TPX2: variants seen among roughly 807,000 people sequenced by gnomAD.
TPX2 encodes targeting protein for Xklp2.
A neutral mutation model predicts 93.6 loss-of-function variants in TPX2; 21 were observed. The ratio of observed to expected loss-of-function variants is 0.22; its 90% confidence interval spans 0.16 to 0.32. The LOEUF (loss-of-function observed/expected upper bound fraction) is 0.32. TPX2 is among the 10% of genes least tolerant of loss of function. The probability of loss-of-function intolerance (pLI) is 1.00; values close to 1 mark genes in which losing one functional copy is unlikely to be tolerated. For synonymous variants in TPX2, 281 were observed against 298.3 expected (o/e 0.94, Z 0.60); for missense variants, 776 against 871.1 (o/e 0.89, Z 1.37).
chr20:31,770,453 C>T lies in TPX2; in HGVS notation c.467C>T (p.Pro156Leu), dbSNP rs1488491666. Residue 156 changes from proline (P) to leucine (L), a missense_variant, in exon 6 of 18, where the codon CCC (proline) becomes CTC (leucine). Physicochemically the swap from Pro to Leu is moderately conservative, Grantham distance 98. This residue lies in a region of TPX2 where 279 missense variants were observed against 261.6 expected (regional missense o/e 1.07). Transcript: ENST00000300403. ...CCTGTAATCATCGATGAAATTCTAC[C>T]CTCTAAGAAAATGAAAGTGTGAGTA... ...ATPVIIDEIL[P>L]SKKMKVSNNK... is the part of the protein sequence containing the mutation. 7.0e-6 allele frequency: 11 copies of T among 1,579,010 alleles called. No individual in the cohort carries two copies. Among genetic ancestry groups the T allele is most frequent in the African/African-American group, 1.4e-5 (1 of 73,276 alleles).
rs1167299204 is a variant in TPX2, at chr20:31,793,453, A to G, written c.1510-395A>G. The stretch of plus-strand genomic sequence containing the variant: ...TGTGTTACCAGCTTGAACCCAAACA[A>G]CTTGGGTTTGGCAATCCTATTCTGG... On this transcript the variant is annotated intron_variant, in intron 13 of 17. Coordinates refer to ENST00000300403, the MANE Select transcript of TPX2 (RefSeq NM_012112.5). 2.6e-5 allele frequency among the ~76,000 whole-genome samples: 4 copies of G among 152,300 alleles called. No individual in the cohort carries two copies. The East Asian group carries it at 7.7e-4, about 29-fold the overall frequency.
chr20:31,740,943 T>C (rs937596451), intron 1 of TPX2, among the ~76,000 whole-genome samples: 2 of 152,250 alleles, frequency 1.3e-5, no homozygotes, highest in African/African-American at 4.8e-5. Context: ...AAAACTGGAT[T>C]GTATTCAACT....
intron 7 of TPX2, among the ~76,000 whole-genome samples, chr20:31,773,741 A>G (rs1447387256): frequency 6.6e-6 from 1 of 152,236 alleles, no homozygotes; most frequent in African/African-American, 2.4e-5. Context: ...GATAATTTAT[A>G]GTTGTATATA....
chr20:31,790,878 A>T (rs952876081), intron 12 of TPX2, among the ~76,000 whole-genome samples: 2 of 152,196 alleles, frequency 1.3e-5, no homozygotes, highest in Non-Finnish European at 2.9e-5. Context: ...ATGGACTGTG[A>T]TAAAACCATA....
chr20:31,755,637 CCTGTAATTCCAGCT>C, intron 2 of TPX2, among the ~76,000 whole-genome samples: 1 of 151,842 alleles, frequency 6.6e-6, no homozygotes, highest in Non-Finnish European at 1.5e-5. Flanking sequence ...GCTGTGGGCG[CCTGTAATTCCAGCT>C]ACTAGAGACT....
intron 2 of TPX2, among the ~76,000 whole-genome samples, chr20:31,754,589 G>C (rs1357317039): frequency 6.6e-6 from 1 of 152,140 alleles, no homozygotes; most frequent in African/African-American, 2.4e-5. Flanking sequence ...AATGTAAGTG[G>C]GTGTTTTTTT....
intron 2 of TPX2, among the ~76,000 whole-genome samples, chr20:31,748,097 C>T (rs1414079319): frequency 3.3e-5 from 5 of 152,094 alleles, no homozygotes. Flanking sequence ...TATTTATTCT[C>T]TTTTTCCAGG....
At chr20:31,745,585 C>G (rs1033554681) in intron 2 of TPX2, among the ~76,000 whole-genome samples, 3 of 152,180 alleles carry the variant, frequency 2.0e-5, no homozygotes, top group African/African-American at 7.2e-5. Flanking sequence ...GCCTTGGCCT[C>G]CCAGAGTGCT....
chr20:31,755,164 G>A (rs985720162), intron 2 of TPX2, among the ~76,000 whole-genome samples: 1 of 152,050 alleles, frequency 6.6e-6, no homozygotes, highest in African/African-American at 2.4e-5. Context: ...TAGCCATGAT[G>A]GTTTTGATCT....
chr20:31,784,554 T>G (rs1250256282), intron 12 of TPX2, among the ~76,000 whole-genome samples: 1 of 152,210 alleles, frequency 6.6e-6, no homozygotes, highest in Non-Finnish European at 1.5e-5. Context: ...GATAGAATTT[T>G]GACTTGCAGA....
chr20:31,770,432 T>G lies in TPX2; in HGVS notation c.446T>G (p.Val149Gly), dbSNP rs1342493126. ...AAAGCCAAGAGATGTGCCACTCCTG[T>G]AATCATCGATGAAATTCTACCCTCT... Reference protein sequence around the residue: ...KMKAKRCATPVIIDEILPSKK... With the variant: ...KMKAKRCATPGIIDEILPSKK... The change falls in exon 6 of 18, where the codon GTA becomes GGA. Residue 149 changes from valine to glycine, a missense_variant. By Grantham distance (109) the Val-to-Gly change is moderately radical. This residue lies in a region of TPX2 where 279 missense variants were observed against 261.6 expected (regional missense o/e 1.07). Coordinates refer to ENST00000300403, the MANE Select transcript of TPX2 (RefSeq NM_012112.5). 1 of 1,602,000 alleles carries G rather than the reference T, an allele frequency of 6.2e-7. No individual in the cohort carries two copies. The highest frequency in any genetic ancestry group is 8.5e-7 in the Non-Finnish European group (1 of 1,174,702).
intron 1 of TPX2, among the ~76,000 whole-genome samples, chr20:31,741,317 G>GTT (rs966215046): frequency 6.4e-5 from 9 of 140,810 alleles, no homozygotes; most frequent in African/African-American, 1.5e-4. Context: ...TTTTGTTTTT[G>GTT]TTTTTTTTTT....
intron 2 of TPX2, among the ~76,000 whole-genome samples, chr20:31,746,581 A>G (rs2061784853): frequency 6.6e-6 from 1 of 152,246 alleles, no homozygotes; most frequent in South Asian, 2.1e-4. Flanking sequence ...TAGGCAAGTC[A>G]TATCTCACTG....
chr20:31,790,541 C>A (rs1234997898), intron 12 of TPX2, among the ~76,000 whole-genome samples: 1 of 152,178 alleles, frequency 6.6e-6, no homozygotes, highest in Non-Finnish European at 1.5e-5. Flanking sequence ...AAAGATTGAG[C>A]AACTGTCTTG....
At chr20:31,800,807 C>T (rs765578538) in intron 17 of TPX2, among the ~76,000 whole-genome samples, 163 bp from the exon 18 acceptor site, 2 of 152,174 alleles carry the variant, frequency 1.3e-5, no homozygotes, top group Non-Finnish European at 2.9e-5. Flanking sequence ...TACACTTTTC[C>T]ATCATACCGT....
At chr20:31,771,308 G>A (rs2061963240) in intron 6 of TPX2, among the ~76,000 whole-genome samples, 1 of 152,132 alleles carries the variant, frequency 6.6e-6, no homozygotes, top group African/African-American at 2.4e-5. Context: ...AGCAGTTAGA[G>A]TCCCTCCTTA....
chr20:31,743,202 C>T (rs550417434), intron 2 of TPX2, among the ~76,000 whole-genome samples: 2 of 152,174 alleles, frequency 1.3e-5, no homozygotes, highest in East Asian at 3.9e-4. Flanking sequence ...AAGACTCTGT[C>T]TCAAAACAAA....
At position 31,760,304 on chromosome 20, in the gene TPX2, A is replaced by G. The variant is rs1600364879; in HGVS notation, c.229+125A>G. 21 of 1,225,912 alleles carry G rather than the reference A, an allele frequency of 1.7e-5. No homozygotes were observed. In the East Asian group the frequency reaches 5.4e-4, roughly 31 times the overall value. The allele number at this position is 1,225,912 out of a possible 1,614,324, so 75.9% of individuals were successfully genotyped here. The stretch of plus-strand genomic sequence containing the variant: ...TGTTTATTATTGGTGAAATGGGCTA[A>G]TTCATTTCATGATAAATGTAAAACT... On this transcript the variant is annotated intron_variant, in intron 4 of 17. Transcript: ENST00000300403.
Position 31,777,547 on chromosome 20 carries a change from C to G in TPX2, c.791C>G (p.Thr264Arg), listed in dbSNP as rs748023101. The G allele has an allele frequency of 1.2e-6, 2 of 1,614,180 alleles. No individual in the cohort carries two copies. The highest frequency in any genetic ancestry group is 1.7e-6 in the Non-Finnish European group (2 of 1,180,034). Reference sequence around the variant, plus strand: ...AAATCAGTTGACTTCCACTTCCGCACAGATGAGCGAATCAAACAACATCCT... The same window carrying G: ...AAATCAGTTGACTTCCACTTCCGCAGAGATGAGCGAATCAAACAACATCCT... Reference protein sequence around the residue: ...VTKSVDFHFRTDERIKQHPKN... With the variant: ...VTKSVDFHFRRDERIKQHPKN... Residue 264 changes from threonine to arginine, a missense_variant, in exon 9 of 18, where the codon ACA (threonine) becomes AGA (arginine). Around this residue, in one of 3 missense-constraint regions of TPX2, gnomAD observed 279 missense variants for 261.6 expected, o/e 1.07. Coordinates refer to ENST00000300403, the MANE Select transcript of TPX2 (RefSeq NM_012112.5).
Sources: allele counts gnomAD v4.1 joint callset (sites outside exome capture counted in the v4.1 genomes callset), GRCh38; gene constraint gnomAD v4.1.1; regional missense constraint gnomAD v4.1.1; transcripts MANE v1.5; gene names NCBI Gene and HGNC (gene_info 2026-07-23, HGNC 2026-07-21).